STAB2: variants seen among roughly 807,000 people sequenced by gnomAD.
STAB2 encodes stabilin 2.
In STAB2, 288 loss-of-function variants were observed where a neutral mutation model predicts 338.1. That is an observed-to-expected ratio of 0.85 (90% CI 0.77 to 0.94). The LOEUF (loss-of-function observed/expected upper bound fraction) is 0.94. STAB2 is among the 40% of genes least tolerant of loss of function. The pLI is 0.00. For synonymous variants in STAB2, 1,202 were observed against 1,193.3 expected (o/e 1.01, Z -0.15); for missense variants, 3,141 against 3,210.1 (o/e 0.98, Z 0.52).
At chr12:103,663,458 G>T (rs536676928) in intron 18 of STAB2, among the ~76,000 whole-genome samples, 1 of 152,156 alleles carries the variant, frequency 6.6e-6, no homozygotes, top group African/African-American at 2.4e-5. Flanking sequence ...GGGTCTCACT[G>T]TGTTGCCCAG....
At chr12:103,639,598 G>A (rs962495065) in intron 8 of STAB2, among the ~76,000 whole-genome samples, 24 of 149,988 alleles carry the variant, frequency 1.6e-4, no homozygotes, top group Non-Finnish European at 2.1e-4. Context: ...CAGCTGTCCG[G>A]AAGACTGAGG....
Position 103,662,896 on chromosome 12 carries a change from C to A in STAB2, c.1920C>A (p.Ala640=), listed in dbSNP as rs765266017. ...CAATGGAAGAAATTGAGATCACTGCCAAAAATGGCCGAATTTACACACTGA... is the reference window on the plus strand; with the variant it reads ...CAATGGAAGAAATTGAGATCACTGCAAAAAATGGCCGAATTTACACACTGA... The part of the protein sequence containing the change: ...DVAMEEIEIT[A]KNGRIYTLTG... The change falls in exon 18 of 69, where the codon GCC becomes GCA. Residue 640 remains alanine, a synonymous_variant. Transcript: ENST00000388887. 2 of 1,614,130 alleles carry A rather than the reference C, an allele frequency of 1.2e-6. No homozygotes were observed. Among genetic ancestry groups the A allele is most frequent in the Admixed American group, 3.3e-5 (2 of 60,008 alleles).
Position 103,655,873 on chromosome 12 carries a change from G to C in STAB2, c.1734+292G>C, listed in dbSNP as rs556821800. On this transcript the variant is annotated intron_variant, in intron 15 of 68. Transcript: ENST00000388887. Reference sequence around the variant, plus strand: ...CTAAATGGTTGGTTTGATTTGTCTTGACTCTTCTAATATTTCTCACTAGTA... The same window carrying C: ...CTAAATGGTTGGTTTGATTTGTCTTCACTCTTCTAATATTTCTCACTAGTA... Among the ~76,000 whole-genome samples the C allele has an allele frequency of 1.9e-4, 29 of 152,192 alleles. No individual in the cohort carries two copies. The South Asian group carries it at 5.4e-3, about 28-fold the overall frequency.
chr12:103,706,777 G>A lies in STAB2; in HGVS notation c.3997-15G>A. 6.2e-7 allele frequency: 1 copy of A among 1,614,198 alleles called. No homozygotes were observed. The highest frequency in any genetic ancestry group is 8.5e-7 in the Non-Finnish European group (1 of 1,180,030). On this transcript the variant is annotated splice_polypyrimidine_tract_variant and intron_variant, in intron 37 of 68. Transcript: ENST00000388887. ...GGATAGAAGTGCGTTGTCAAGCTTT[G>A]TCCTTCTGTTTCAGACGAGAGAATG...
At chr12:103,594,700 T>G (rs1241179181) in intron 3 of STAB2, among the ~76,000 whole-genome samples, 190 bp downstream of exon 3, 2 of 152,228 alleles carry the variant, frequency 1.3e-5, no homozygotes, top group Non-Finnish European at 1.5e-5. Context: ...TTACTGCTGA[T>G]AGAGATCTCT....
At position 103,713,728 on chromosome 12, in the gene STAB2, G is replaced by A. The variant is rs145987637; in HGVS notation, c.4497G>A (p.Thr1499=). Residue 1499 remains threonine (T), a synonymous_variant, in exon 42 of 69, where the codon ACG becomes ACA. Coordinates refer to ENST00000388887, the MANE Select transcript of STAB2 (RefSeq NM_017564.10). ...CCACCCCAGGAAGGCGAGTGTGCAC[G>A]TGCAAAGCAGGCTACACGGGTGATG... is the stretch of plus-strand genomic sequence containing the variant. The part of the protein sequence containing the change: ...KRTTPGRRVC[T]CKAGYTGDGI... 309 of 1,614,052 alleles carry A rather than the reference G, an allele frequency of 1.9e-4. No homozygotes were observed. In the African/African-American group the frequency reaches 2.2e-3, roughly 11 times the overall value.
Position 103,594,375 on chromosome 12 carries a change from T to A in STAB2, c.216-20T>A, listed in dbSNP as rs200356463. ...GCATTGCTCTTATCGTGGGTTAATG[T>A]CCTCTCTTTACCCTCCAAGGTACAC... On this transcript the variant is annotated intron_variant, in intron 2 of 68. Transcript: ENST00000388887. 8.2e-6 allele frequency: 13 copies of A among 1,594,566 alleles called. No individual in the cohort carries two copies. In the Admixed American group the frequency reaches 2.0e-4, roughly 25 times the overall value.
At chr12:103,623,521 G>A (rs1288085935) in intron 5 of STAB2, among the ~76,000 whole-genome samples, 1 of 152,082 alleles carries the variant, frequency 6.6e-6, no homozygotes, top group Non-Finnish European at 1.5e-5. Context: ...AGAAAGACTC[G>A]ATCCGCCAAT....
intron 49 of STAB2, 112 bp from the exon 50 acceptor site, chr12:103,731,464 C>T: frequency 4.8e-6 from 5 of 1,044,888 alleles, no homozygotes; most frequent in Non-Finnish European, 6.9e-6. Context: ...ATGAGCCCAT[C>T]TATGTATCCG....
intron 65 of STAB2, 67 bp from the exon 66 acceptor site, chr12:103,761,233 A>G: frequency 1.4e-6 from 2 of 1,468,552 alleles, no homozygotes; most frequent in Non-Finnish European, 9.5e-7. Flanking sequence ...AAATTGAACA[A>G]CTTCCCTCCA....
chr12:103,748,961 A>G lies in STAB2; in HGVS notation c.6245-2A>G. The G allele has an allele frequency of 6.2e-7, 1 of 1,612,194 alleles. No individual in the cohort carries two copies. Among genetic ancestry groups the G allele is most frequent in the Non-Finnish European group, 8.5e-7 (1 of 1,178,786 alleles). On this transcript the variant is annotated splice_acceptor_variant, in intron 58 of 68. Coordinates refer to ENST00000388887, the MANE Select transcript of STAB2 (RefSeq NM_017564.10). LOFTEE classifies it high-confidence loss of function. ...TGAGCCCTCTCTCCTCTGCTCTTGCAGTTGTGGATTTCTGCAAACAGGACA... is the reference window on the plus strand; with the variant it reads ...TGAGCCCTCTCTCCTCTGCTCTTGCGGTTGTGGATTTCTGCAAACAGGACA...
At chr12:103,640,521 G>A (rs1872847190) in intron 9 of STAB2, among the ~76,000 whole-genome samples, 1 of 152,210 alleles carries the variant, frequency 6.6e-6, no homozygotes, top group South Asian at 2.1e-4. Context: ...TGGTCAGAAT[G>A]TGGGAGAAGG....
rs1205034478 is a variant in STAB2, at chr12:103,748,016, GGAAGAA to G, written c.6245-937_6245-932del. 2.0e-4 allele frequency among the ~76,000 whole-genome samples: 29 copies of G among 148,378 alleles called. No individual in the cohort carries two copies. In the East Asian group the frequency reaches 2.9e-3, roughly 15 times the overall value. ...TCTCCAAAAAAAAAAAAAAAAAAAG[GGAAGAA>G]GAAGAAGAAAACAGAGACTAGGTAT... On this transcript the variant is annotated intron_variant, in intron 58 of 68. Coordinates refer to ENST00000388887, the MANE Select transcript of STAB2 (RefSeq NM_017564.10).
chr12:103,735,870 A>G (rs1013103493), intron 52 of STAB2, among the ~76,000 whole-genome samples: 1 of 152,036 alleles, frequency 6.6e-6, no homozygotes, highest in Non-Finnish European at 1.5e-5. Context: ...GCATTTTCCA[A>G]TGTGAGATAC....
intron 19 of STAB2, among the ~76,000 whole-genome samples, chr12:103,667,737 G>A (rs1420651745): frequency 1.3e-5 from 2 of 152,188 alleles, no homozygotes; most frequent in Non-Finnish European, 2.9e-5. Flanking sequence ...GCCTAGGAAA[G>A]TCTCATTGCC....
At position 103,690,501 on chromosome 12, in the gene STAB2, T is replaced by C. The variant is rs1014098965; in HGVS notation, c.3260T>C (p.Leu1087Ser). ...LSSSDMLATS[L>S]QGNFLHLAKV... is the part of the protein sequence containing the mutation. ...TCTTCTGACATGTTGGCAACATCTT[T>C]GCAGGGCAACTTCCTTCACTTGGCA... The change falls in exon 30 of 69, where the codon TTG becomes TCG. Residue 1087 changes from leucine (L) to serine (S), a missense_variant. By Grantham distance (145) the Leu-to-Ser change is moderately radical (BLOSUM62 -2). Transcript: ENST00000388887. 1 of 1,614,134 alleles carries C rather than the reference T, an allele frequency of 6.2e-7. No homozygotes were observed. The highest frequency in any genetic ancestry group is 8.5e-7 in the Non-Finnish European group (1 of 1,179,964).
At chr12:103,707,210 A>T (rs75495614) in intron 38 of STAB2, among the ~76,000 whole-genome samples, 1,839 of 152,204 alleles carry the variant, frequency 0.012, 44 homozygotes, top group African/African-American at 0.042. Context: ...CTACCAACTC[A>T]CTTCCAATTT....
intron 39 of STAB2, among the ~76,000 whole-genome samples, chr12:103,710,514 A>AC (rs1879757711): frequency 6.6e-6 from 1 of 152,198 alleles, no homozygotes; most frequent in Admixed American, 6.5e-5. Flanking sequence ...AGCCAGGGGC[A>AC]CCCAACCCTT....
chr12:103,673,223 G>C (rs753953423), intron 22 of STAB2, among the ~76,000 whole-genome samples: 10 of 152,234 alleles, frequency 6.6e-5, no homozygotes, highest in East Asian at 1.9e-4. Context: ...GAAATTTCCA[G>C]GCTAAACTCT....
Sources: allele counts gnomAD v4.1 joint callset (sites outside exome capture counted in the v4.1 genomes callset), GRCh38; gene constraint gnomAD v4.1.1; transcripts MANE v1.5; gene names NCBI Gene and HGNC (gene_info 2026-07-23, HGNC 2026-07-21).